Variants in ADAMTSL1 observed in about 807,000 individuals in gnomAD.
ADAMTSL1 encodes the protein ADAMTS like 1, also known as ADAMTS-like protein 1.
Under a neutral mutation model 201.8 loss-of-function variants are expected in ADAMTSL1, and 126 were observed. The observed-to-expected ratio is 0.62, with a 90% confidence interval of 0.54 to 0.72. The LOEUF is 0.72. ADAMTSL1 is among the 30% of genes least tolerant of loss of function. The pLI, the probability that ADAMTSL1 is intolerant of heterozygous loss-of-function variation, is 0.00. For missense variants in ADAMTSL1, 2,679 were observed against 2,277.8 expected (o/e 1.18, Z -3.59); for synonymous variants, 1,121 against 903.4 (o/e 1.24, Z -4.32).
intron 2 of ADAMTSL1, among the ~76,000 whole-genome samples, chr9:18,364,122 C>T (rs1000013664): frequency 6.6e-6 from 1 of 152,106 alleles, no homozygotes; most frequent in African/African-American, 2.4e-5. Context: ...CACTGCCAAG[C>T]CCTGCTAGCC....
At chr9:18,441,682 A>AT (rs11385744) in intron 2 of ADAMTSL1, among the ~76,000 whole-genome samples, 39,391 of 151,360 alleles carry the variant, frequency 0.26, 5,802 homozygotes, top group Non-Finnish European at 0.34. Context: ...AAAGGAATCC[A>AT]TTTTTTTTTC....
At chr9:18,750,899 C>T (rs514896) in intron 15 of ADAMTSL1, among the ~76,000 whole-genome samples, 131,158 of 152,264 alleles carry the variant, frequency 0.86, 56,504 homozygotes, top group African/African-American at 0.87. Context: ...GTTTCACACA[C>T]GAACTTTCCT....
At chr9:18,736,218 G>A (rs1419778564) in intron 15 of ADAMTSL1, among the ~76,000 whole-genome samples, 1 of 152,188 alleles carries the variant, frequency 6.6e-6, no homozygotes, top group Non-Finnish European at 1.5e-5. Context: ...GCGCCCCACT[G>A]TCCAGTTTGA....
chr9:18,578,616 T>C (rs908899138), intron 4 of ADAMTSL1, among the ~76,000 whole-genome samples: 1 of 152,188 alleles, frequency 6.6e-6, no homozygotes, highest in Non-Finnish European at 1.5e-5. Flanking sequence ...GGATAATAAT[T>C]GTAAAAATAG....
At chr9:18,300,928 T>G (rs1024791926) in intron 2 of ADAMTSL1, among the ~76,000 whole-genome samples, 2 of 152,204 alleles carry the variant, frequency 1.3e-5, no homozygotes, top group African/African-American at 4.8e-5. Context: ...AGAGACATTT[T>G]ACATGTTTGG....
chr9:18,404,687 G>T (rs915052043), intron 2 of ADAMTSL1, among the ~76,000 whole-genome samples: 1 of 152,142 alleles, frequency 6.6e-6, no homozygotes, highest in South Asian at 2.1e-4. Flanking sequence ...CTGGCATTGT[G>T]CCCAGTGGAG....
At chr9:18,028,805 T>C (rs1296126184) in intron 1 of ADAMTSL1, among the ~76,000 whole-genome samples, 1 of 152,134 alleles carries the variant, frequency 6.6e-6, no homozygotes, top group Non-Finnish European at 1.5e-5. Context: ...AAGAAAATCA[T>C]TGGTAGCTTG....
At chr9:18,796,154 G>A (rs1822405928) in intron 20 of ADAMTSL1, among the ~76,000 whole-genome samples, 1 of 152,218 alleles carries the variant, frequency 6.6e-6, no homozygotes, top group Non-Finnish European at 1.5e-5. Flanking sequence ...TAAAAGACAT[G>A]TAGAGCTTTT....
At chr9:18,156,708 A>G (rs1473089735) in intron 1 of ADAMTSL1, among the ~76,000 whole-genome samples, 1 of 151,902 alleles carries the variant, frequency 6.6e-6, no homozygotes, top group Non-Finnish European at 1.5e-5. Flanking sequence ...AGAAGATGTG[A>G]TAAAAATGTG....
intron 20 of ADAMTSL1, 52 bp from the exon 21 acceptor site, chr9:18,817,057 C>T (rs1420698918): frequency 1.3e-6 from 2 of 1,592,516 alleles, no homozygotes; most frequent in Admixed American, 3.4e-5. Context: ...AGGAGTGCCC[C>T]AATTTCCACA....
intron 1 of ADAMTSL1, among the ~76,000 whole-genome samples, chr9:18,071,885 C>T (rs1180917325): frequency 6.6e-6 from 1 of 152,186 alleles, no homozygotes; most frequent in Non-Finnish European, 1.5e-5. Flanking sequence ...ATCAGCCGCA[C>T]TTCCTGTGTG....
intron 1 of ADAMTSL1, among the ~76,000 whole-genome samples, chr9:18,081,855 G>A (rs1401034237): frequency 6.6e-6 from 1 of 152,168 alleles, no homozygotes; most frequent in East Asian, 1.9e-4. Flanking sequence ...GTGAAGAAAA[G>A]CTATGTAACT....
At chr9:18,799,598 C>T (rs1038272331) in intron 20 of ADAMTSL1, among the ~76,000 whole-genome samples, 1 of 152,116 alleles carries the variant, frequency 6.6e-6, no homozygotes, top group Non-Finnish European at 1.5e-5. Flanking sequence ...TACTGTAAGG[C>T]CTGCCTGACA....
chr9:18,457,792 G>T (rs113514313), intron 2 of ADAMTSL1, among the ~76,000 whole-genome samples: 1 of 152,102 alleles, frequency 6.6e-6, no homozygotes, highest in Non-Finnish European at 1.5e-5. Flanking sequence ...TTCCCCTAAG[G>T]ATGCAAAAAG....
intron 3 of ADAMTSL1, among the ~76,000 whole-genome samples, chr9:18,557,906 T>G (rs1012324028): frequency 6.6e-6 from 1 of 152,094 alleles, no homozygotes; most frequent in Non-Finnish European, 1.5e-5. Flanking sequence ...TGTTGCCTGG[T>G]AATTATATAT....
At chr9:18,276,387 T>A (rs1832588686) in intron 2 of ADAMTSL1, among the ~76,000 whole-genome samples, 1 of 152,236 alleles carries the variant, frequency 6.6e-6, no homozygotes, top group African/African-American at 2.4e-5. Context: ...ATGGTTTATT[T>A]ACTATGTGTC....
At chr9:18,864,815 G>C (rs2131431559) in intron 23 of ADAMTSL1, among the ~76,000 whole-genome samples, 2 of 152,344 alleles carry the variant, frequency 1.3e-5, no homozygotes, top group Middle Eastern at 6.8e-3. Context: ...CATCTGGACT[G>C]ATGCCCTGTC....
intron 2 of ADAMTSL1, among the ~76,000 whole-genome samples, chr9:18,250,763 C>T (rs538522597): frequency 1.3e-5 from 2 of 152,188 alleles, no homozygotes; most frequent in South Asian, 2.1e-4. Flanking sequence ...GGCGGTTTTC[C>T]ACACCCCGCT....
At chr9:18,017,405 T>A (rs1426250465) in intron 1 of ADAMTSL1, among the ~76,000 whole-genome samples, 1 of 151,954 alleles carries the variant, frequency 6.6e-6, no homozygotes. Context: ...GTTTCAGCAC[T>A]GACAGTTTGT....
Sources: allele counts gnomAD v4.1 joint callset (sites outside exome capture counted in the v4.1 genomes callset), GRCh38; gene constraint gnomAD v4.1.1; transcripts MANE v1.5; gene names NCBI Gene and HGNC (gene_info 2026-07-23, HGNC 2026-07-21).